The following USP43 variants were observed in gnomAD, a reference collection of about 807,000 sequenced individuals.
USP43 encodes the protein ubiquitin specific peptidase 43.
Under a neutral mutation model 90.7 loss-of-function variants are expected in USP43, and 33 were observed. The ratio of observed to expected loss-of-function variants is 0.36; its 90% CI spans 0.28 to 0.49. USP43 has a LOEUF of 0.49. Among genes scored for constraint, USP43 ranks in the 20% least tolerant of loss-of-function variants. USP43 has a pLI of 0.98. For synonymous variants in USP43, 598 were observed against 615.8 expected, an observed-to-expected ratio of 0.97 and a Z score of 0.43; for missense variants, 1,274 against 1,476.4, an observed-to-expected ratio of 0.86 and a Z score of 2.25.
At chr17:9,680,115 A>C in intron 5 of USP43, 116 bp from the exon 6 acceptor site, 11 of 1,054,632 alleles carry the variant, frequency 1.0e-5, no homozygotes, top group Non-Finnish European at 1.5e-5. Flanking sequence ...AAAAATAAGT[A>C]GCCAATTGGA....
chr17:9,674,776 G>T lies in USP43; in HGVS notation c.741-115G>T. ...ACCTGTTCTCAATTCTTCTGGGTATGTACCTACGAGTGGAATCACAGGGAG... is the reference window on the plus strand; with the variant it reads ...ACCTGTTCTCAATTCTTCTGGGTATTTACCTACGAGTGGAATCACAGGGAG... On this transcript the variant is annotated intron_variant, in intron 3 of 14. Coordinates refer to ENST00000285199, the MANE Select transcript of USP43 (RefSeq NM_153210.5). This position sits in a 1 kb window ranked among gnomAD's most constrained non-coding sequence, Gnocchi z 4.4. 1.2e-6 allele frequency: 1 copy of T among 833,924 alleles called. No homozygotes were observed. Among genetic ancestry groups the T allele is most frequent in the East Asian group, 2.4e-5 (1 of 41,396 alleles). 51.7% of individuals were successfully genotyped at this position (833,924 alleles called of 1,614,324 possible).
Position 9,709,916 on chromosome 17 carries a change from G to T in USP43, c.2012-40G>T. On this transcript the variant is annotated intron_variant, in intron 12 of 14. Coordinates refer to ENST00000285199, the MANE Select transcript of USP43 (RefSeq NM_153210.5). The surrounding 1 kb of genome is among the most constrained non-coding windows in gnomAD (Gnocchi z 5.0). ...GTGGGAAATGTCTTCCTACCTTTTG[G>T]GGCTCCAATAACTCAGACTTGGGGA... The T allele has an allele frequency of 1.4e-6, 2 of 1,379,818 alleles. No homozygotes were observed. Among genetic ancestry groups the T allele is most frequent in the Non-Finnish European group, 1.9e-6 (2 of 1,057,278 alleles). 85.5% of individuals were successfully genotyped at this position (1,379,818 alleles called of 1,614,324 possible).
intron 6 of USP43, among the ~76,000 whole-genome samples, chr17:9,681,112 A>G (rs1226377330): frequency 2.0e-5 from 2 of 102,440 alleles, no homozygotes; most frequent in Admixed American, 1.2e-4. Flanking sequence ...ACTATATAAT[A>G]TATACTATAT....
chr17:9,648,885 CTCTT>C (rs752537662), intron 1 of USP43, among the ~76,000 whole-genome samples: 23 of 151,140 alleles, frequency 1.5e-4, no homozygotes, highest in East Asian at 1.9e-4. Context: ...TCCTTCCTTC[CTCTT>C]TCTTTCTTTT....
intron 14 of USP43, among the ~76,000 whole-genome samples, chr17:9,714,682 C>CAAA (rs34258688): frequency 7.0e-4 from 49 of 69,984 alleles, no homozygotes; most frequent in South Asian, 1.0e-3. Flanking sequence ...GACTCCATCT[C>CAAA]AAAAAAAAAA....
chr17:9,699,727 G>T (rs962737239), intron 9 of USP43, among the ~76,000 whole-genome samples: 2 of 152,232 alleles, frequency 1.3e-5, no homozygotes, highest in Non-Finnish European at 2.9e-5. Flanking sequence ...TGTGGAAGGA[G>T]AAGACTTCTT....
At position 9,729,085 on chromosome 17, in the gene USP43, G is replaced by GGGT. The variant is rs1917445899; in HGVS notation, c.*95_*96insGGT. ...TTGAGAATGGGTTTCCAGGAAACCC[G>GGGT]TTGTCTTGTAATCTCTAAAAAAAAA... is the stretch of plus-strand genomic sequence containing the variant. On this transcript the variant is annotated 3_prime_UTR_variant, in exon 15 of 15. Coordinates refer to ENST00000285199, the MANE Select transcript of USP43 (RefSeq NM_153210.5). The GGGT allele has an allele frequency of 3.9e-6, 5 of 1,288,778 alleles. No individual in the cohort carries two copies. Among genetic ancestry groups the GGGT allele is most frequent in the Non-Finnish European group, 5.1e-6 (5 of 980,782 alleles). 79.8% of individuals were successfully genotyped at this position (1,288,778 alleles called of 1,614,324 possible).
intron 1 of USP43, among the ~76,000 whole-genome samples, chr17:9,654,649 TAAAA>T (rs774004761): frequency 7.7e-6 from 1 of 129,100 alleles, no homozygotes; most frequent in Admixed American, 7.9e-5. Context: ...AACACTGTCT[TAAAA>T]AAAAAAAAAA....
chr17:9,694,914 G>A (rs764088929), intron 9 of USP43, among the ~76,000 whole-genome samples: 60 of 152,126 alleles, frequency 3.9e-4, no homozygotes, highest in Non-Finnish European at 6.3e-4. Flanking sequence ...GTGAGCCACC[G>A]CACCCGGCCT....
chr17:9,665,712 G>A (rs1444804908), intron 2 of USP43, among the ~76,000 whole-genome samples: 1 of 152,174 alleles, frequency 6.6e-6, no homozygotes, highest in African/African-American at 2.4e-5. Context: ...CATTAACCTG[G>A]ATTATCCCAG....
intron 5 of USP43, among the ~76,000 whole-genome samples, chr17:9,679,595 G>A (rs1369267496): frequency 1.4e-5 from 2 of 145,764 alleles, no homozygotes; most frequent in East Asian, 2.0e-4. Flanking sequence ...GCACGATCTC[G>A]GCTCACTGCA....
At chr17:9,658,435 G>A (rs773967137) in intron 2 of USP43, among the ~76,000 whole-genome samples, 5 of 152,112 alleles carry the variant, frequency 3.3e-5, no homozygotes, top group East Asian at 3.8e-4. Flanking sequence ...TTCTAAAGCC[G>A]CACAGCTAAG....
intron 3 of USP43, among the ~76,000 whole-genome samples, chr17:9,670,511 A>G (rs1032524651): frequency 6.6e-6 from 1 of 152,090 alleles, no homozygotes; most frequent in Non-Finnish European, 1.5e-5. Flanking sequence ...GAGAGTCAGC[A>G]TCTTTCCATT....
chr17:9,653,935 A>G (rs1912051322), intron 1 of USP43, among the ~76,000 whole-genome samples: 1 of 152,158 alleles, frequency 6.6e-6, no homozygotes, highest in Non-Finnish European at 1.5e-5. Flanking sequence ...AGACTCTTCT[A>G]TAGGGGAAGG....
In USP43 at chr17:9,674,723, A is replaced by G. The variant is rs1252312336; in HGVS notation, c.741-168A>G. Among the ~76,000 whole-genome samples, 1 of 152,234 alleles carries G rather than the reference A, an allele frequency of 6.6e-6. No homozygotes were observed. The highest frequency in any genetic ancestry group is 1.5e-5 in the Non-Finnish European group (1 of 68,048). ...CTTAACTATTGTGAATAGAGCAGCT[A>G]TGAACACTTGTGTACAAGTATTTGA... On this transcript the variant is annotated intron_variant, in intron 3 of 14. Transcript: ENST00000285199. The surrounding 1 kb of genome is among the most constrained non-coding windows in gnomAD (Gnocchi z 4.4).
At position 9,685,031 on chromosome 17, in the gene USP43, G is replaced by T. The variant is rs1026765746; in HGVS notation, c.1242-1767G>T. ...TGTGCGCTCAAAGGTTATGTCCAAG[G>T]TTATATCTAGTTCCTGCGATAAGCA... On this transcript the variant is annotated intron_variant, in intron 7 of 14. Transcript: ENST00000285199. 1.4e-4 allele frequency among the ~76,000 whole-genome samples: 21 copies of T among 152,222 alleles called. 1 individual carries two copies. Among genetic ancestry groups the T allele is most frequent in the African/African-American group, 5.1e-4 (21 of 41,532 alleles).
chr17:9,704,829 TC>T (rs1915786717), intron 12 of USP43, among the ~76,000 whole-genome samples: 1 of 147,184 alleles, frequency 6.8e-6, no homozygotes, highest in Non-Finnish European at 1.5e-5. Context: ...CTCCACTCCA[TC>T]TGCTTGCTGG....
At chr17:9,708,272 C>A (rs56385628) in intron 12 of USP43, among the ~76,000 whole-genome samples, 1,640 of 152,214 alleles carry the variant, frequency 0.011, 45 homozygotes, top group African/African-American at 0.037. Context: ...GGTGATAAAT[C>A]ATTTAAAGGT....
At chr17:9,685,399 G>C (rs1473213153) in intron 7 of USP43, among the ~76,000 whole-genome samples, 3 of 152,198 alleles carry the variant, frequency 2.0e-5, no homozygotes, top group African/African-American at 7.2e-5. Context: ...TACCATCCCA[G>C]TGATGAGAAT....
Sources: gnomAD v4.1 joint callset for allele counts (sites outside exome capture counted in the v4.1 genomes callset) on GRCh38, gnomAD v4.1.1 for gene constraint, Gnocchi (gnomAD v3.1) non-coding constraint, MANE v1.5 for transcripts, NCBI Gene and HGNC (gene_info 2026-07-23, HGNC 2026-07-21) for gene names.